The following AFG2A variants were observed in gnomAD, a reference collection of about 807,000 sequenced individuals.
The protein encoded by AFG2A is ATPase family gene 2 protein homolog A.
the AFG2A span, among the ~76,000 whole-genome samples, chr4:122,976,898 A>G: frequency 1.3e-5 from 2 of 152,240 alleles, no homozygotes; most frequent in African/African-American, 4.8e-5. Context: ...GGCTTTTTTT[A>G]TGGATGTTGT....
At chr4:123,185,663 TGATA>T in the AFG2A span, among the ~76,000 whole-genome samples, 2 of 152,186 alleles carry the variant, frequency 1.3e-5, no homozygotes, top group East Asian at 1.9e-4. Context: ...GGGGTAGGCA[TGATA>T]GATATGTTTT....
At chr4:123,259,772 C>CA in the AFG2A span, among the ~76,000 whole-genome samples, 16 of 151,758 alleles carry the variant, frequency 1.1e-4, no homozygotes, top group African/African-American at 3.4e-4. Flanking sequence ...AATATATTTA[C>CA]AAAAAAAAGC....
chr4:123,194,157 G>A, the AFG2A span, among the ~76,000 whole-genome samples: 61 of 152,064 alleles, frequency 4.0e-4, 3 homozygotes, highest in South Asian at 2.1e-4. Context: ...CCTACTTACC[G>A]GCCATAGGAA....
At chr4:123,105,782 G>A in the AFG2A span, among the ~76,000 whole-genome samples, 2 of 152,162 alleles carry the variant, frequency 1.3e-5, no homozygotes, top group Non-Finnish European at 2.9e-5. Context: ...GCAATCTCAT[G>A]AACAAATTAG....
At chr4:123,166,634 A>G in the AFG2A span, among the ~76,000 whole-genome samples, 1 of 152,184 alleles carries the variant, frequency 6.6e-6, no homozygotes, top group Admixed American at 6.5e-5. Flanking sequence ...TTCGTTGGTT[A>G]TATACTCAGC....
At chr4:123,290,623 T>C in the AFG2A span, among the ~76,000 whole-genome samples, 9 of 152,276 alleles carry the variant, frequency 5.9e-5, no homozygotes, top group East Asian at 1.4e-3. Flanking sequence ...ACAATCATGG[T>C]GGAAGGCAAG....
the AFG2A span, among the ~76,000 whole-genome samples, chr4:122,950,968 A>T: frequency 3.9e-5 from 6 of 152,182 alleles, no homozygotes; most frequent in African/African-American, 1.4e-4. Flanking sequence ...CCCAAAGGGT[A>T]AGTTGTCCCC....
the AFG2A span, among the ~76,000 whole-genome samples, chr4:123,046,516 T>G: frequency 2.0e-5 from 3 of 152,228 alleles, no homozygotes; most frequent in Admixed American, 2.0e-4. Flanking sequence ...TTTTTATTGG[T>G]GTATCATAGT....
chr4:122,934,711 A>G, the AFG2A span: 16 of 1,589,054 alleles, frequency 1.0e-5, no homozygotes, highest in Non-Finnish European at 1.2e-5. Flanking sequence ...ATTGCCCCTC[A>G]AACAGCCTGA....
At chr4:123,070,122 A>T in the AFG2A span, among the ~76,000 whole-genome samples, 2 of 152,326 alleles carry the variant, frequency 1.3e-5, no homozygotes, top group South Asian at 4.1e-4. Context: ...TCTACCAGAC[A>T]TCACATTCTT....
the AFG2A span, among the ~76,000 whole-genome samples, chr4:123,236,958 G>A: frequency 6.6e-6 from 1 of 152,164 alleles, no homozygotes; most frequent in Non-Finnish European, 1.5e-5. Context: ...AATTTGCCTG[G>A]ACCTAGACTG....
chr4:123,255,717 ATTT>A, the AFG2A span, among the ~76,000 whole-genome samples: 15 of 44,046 alleles, frequency 3.4e-4, no homozygotes, highest in Admixed American at 2.9e-4. Flanking sequence ...CTGCTTTTCT[ATTT>A]TTTTTTTTTT....
chr4:123,037,772 A>G, the AFG2A span, among the ~76,000 whole-genome samples: 1 of 152,102 alleles, frequency 6.6e-6, no homozygotes, highest in South Asian at 2.1e-4. Flanking sequence ...TTAAAAAATT[A>G]TTTTTAGCAG....
At chr4:123,149,263 G>A in the AFG2A span, among the ~76,000 whole-genome samples, 3 of 152,044 alleles carry the variant, frequency 2.0e-5, no homozygotes, top group Non-Finnish European at 4.4e-5. Context: ...CAAAATCCTG[G>A]GAGAAAGGAT....
the AFG2A span, among the ~76,000 whole-genome samples, chr4:123,257,977 C>T: frequency 6.6e-6 from 1 of 152,162 alleles, no homozygotes; most frequent in Non-Finnish European, 1.5e-5. Context: ...TAGTGCACTT[C>T]TTATTTAATC....
chr4:123,067,492 G>A, the AFG2A span, among the ~76,000 whole-genome samples: 1 of 151,870 alleles, frequency 6.6e-6, no homozygotes, highest in African/African-American at 2.4e-5. Flanking sequence ...ACTCCAGCCT[G>A]GGCAACGGGG....
the AFG2A span, among the ~76,000 whole-genome samples, chr4:122,982,259 G>A: frequency 6.6e-6 from 1 of 152,050 alleles, no homozygotes; most frequent in Non-Finnish European, 1.5e-5. Flanking sequence ...ATGATTTTAT[G>A]ATTTTTATTC....
At chr4:123,110,851 G>C in the AFG2A span, among the ~76,000 whole-genome samples, 1 of 152,194 alleles carries the variant, frequency 6.6e-6, no homozygotes, top group African/African-American at 2.4e-5. Context: ...AGGCAGTATT[G>C]TAAGGCAGGA....
At chr4:122,970,712 T>C in the AFG2A span, among the ~76,000 whole-genome samples, 2 of 152,050 alleles carry the variant, frequency 1.3e-5, no homozygotes, top group Non-Finnish European at 2.9e-5. Context: ...TAGTAGGCCA[T>C]ACCATCTAGA....
Sources: gnomAD v4.1 joint callset for allele counts (sites outside exome capture counted in the v4.1 genomes callset) on GRCh38, gnomAD v4.1.1 for gene constraint, MANE v1.5 for transcripts, NCBI Gene and HGNC (gene_info 2026-07-23, HGNC 2026-07-21) for gene names.